CHD1L: variants seen among roughly 807,000 people sequenced by gnomAD.
CHD1L encodes ATP-dependent chromatin remodeler CHD1L.
CHD1L carries 118 observed loss-of-function variants against 115.9 expected under a neutral mutation model. The observed-to-expected ratio is 1.02, with a 90% CI of 0.88 to 1.19. The LOEUF (loss-of-function observed/expected upper bound fraction) is 1.19. Among genes scored for constraint, CHD1L ranks in the 50% most tolerant of loss-of-function variants. The pLI, the probability that CHD1L is intolerant of heterozygous loss-of-function variation, is 0.00. For synonymous variants in CHD1L, 411 were observed against 387.1 expected, an observed-to-expected ratio of 1.06 and a Z score of -0.72; for missense variants, 1,179 against 1,065.3, an observed-to-expected ratio of 1.11 and a Z score of -1.49.
intron 1 of CHD1L, among the ~76,000 whole-genome samples, chr1:147,251,722 G>T (rs1476226775): frequency 2.6e-5 from 4 of 151,768 alleles, no homozygotes; most frequent in African/African-American, 9.7e-5. Flanking sequence ...TTAGAGACAG[G>T]TTTTCACCAT....
Position 147,291,453 on chromosome 1 carries a change from T to C in CHD1L, c.2321-29T>C, listed in dbSNP as rs587629143. On this transcript the variant is annotated intron_variant, in intron 19 of 22. Coordinates refer to ENST00000369258, the MANE Select transcript of CHD1L (RefSeq NM_004284.6). ...CATTCATTAGTGAACTTGGTGTTCT[T>C]TATGTTGCTCCTTTCTGTTTTACCT... 1.9e-6 allele frequency: 3 copies of C among 1,581,184 alleles called. No homozygotes were observed. The Admixed American group carries it at 5.0e-5, about 26-fold the overall frequency.
At chr1:147,286,095 T>G (rs1460959198) in intron 17 of CHD1L, among the ~76,000 whole-genome samples, 1 of 152,122 alleles carries the variant, frequency 6.6e-6, no homozygotes, top group African/African-American at 2.4e-5. Flanking sequence ...ATTCAGGGAG[T>G]GCTCATTATT....
At chr1:147,252,543 C>A in intron 1 of CHD1L, 80 bp from the exon 2 acceptor site, 1 of 1,066,468 alleles carries the variant, frequency 9.4e-7, no homozygotes, top group Non-Finnish European at 1.4e-6. Context: ...GGCTGTGTTC[C>A]TCATTCAAAC....
chr1:147,224,286 A>T, the CHD1L span: 1 of 187,992 alleles, frequency 5.3e-6, no homozygotes, highest in African/African-American at 2.4e-5. Flanking sequence ...TGGGTCCTAA[A>T]TCTGTGGGTT....
At chr1:147,216,813 C>A in the CHD1L span, among the ~76,000 whole-genome samples, 1 of 152,224 alleles carries the variant, frequency 6.6e-6, no homozygotes, top group African/African-American at 2.4e-5. Flanking sequence ...TGAATCAGAA[C>A]CTGCATCTTA....
the CHD1L span, chr1:147,215,748 T>G: frequency 6.3e-7 from 1 of 1,585,120 alleles, no homozygotes; most frequent in Admixed American, 1.8e-5. Context: ...CCACACAATT[T>G]TCTACCTTAA....
At chr1:147,219,587 C>A in the CHD1L span, among the ~76,000 whole-genome samples, 1 of 151,952 alleles carries the variant, frequency 6.6e-6, no homozygotes, top group Non-Finnish European at 1.5e-5. Flanking sequence ...TAAGGATGTC[C>A]TCTCTCACCA....
the CHD1L span, among the ~76,000 whole-genome samples, chr1:147,193,982 C>T: frequency 4.6e-5 from 7 of 151,958 alleles, no homozygotes; most frequent in East Asian, 3.9e-4. Flanking sequence ...ATGTATATTC[C>T]GTTGATTTGG....
intron 3 of CHD1L, 34 bp from the exon 4 acceptor site, chr1:147,255,779 A>T (rs1170085980): frequency 6.8e-7 from 1 of 1,466,496 alleles, no homozygotes; most frequent in Admixed American, 1.8e-5. Flanking sequence ...TGGATCTAGT[A>T]TTTATGTTTA....
At chr1:147,195,468 C>A in the CHD1L span, among the ~76,000 whole-genome samples, 2 of 152,074 alleles carry the variant, frequency 1.3e-5, no homozygotes, top group African/African-American at 4.8e-5. Flanking sequence ...GCCTAAAGTC[C>A]TGTGGAAGAT....
intron 15 of CHD1L, among the ~76,000 whole-genome samples, chr1:147,283,066 C>T (rs1481518567): frequency 6.6e-6 from 1 of 152,138 alleles, no homozygotes; most frequent in Non-Finnish European, 1.5e-5. Flanking sequence ...AAATAAAAAA[C>T]AGGGTTGCTT....
At chr1:147,251,178 T>G (rs1025886205) in intron 1 of CHD1L, among the ~76,000 whole-genome samples, 12 of 152,194 alleles carry the variant, frequency 7.9e-5, no homozygotes, top group Non-Finnish European at 1.6e-4. Flanking sequence ...GTGTTCTTAT[T>G]TGTTTTGGTT....
intron 1 of CHD1L, among the ~76,000 whole-genome samples, chr1:147,243,793 C>G (rs1417534361): frequency 1.3e-5 from 2 of 152,190 alleles, no homozygotes; most frequent in Non-Finnish European, 2.9e-5. Flanking sequence ...GGGACCCTTC[C>G]TACCTAGAGT....
At position 147,294,480 on chromosome 1, in the gene CHD1L, C is replaced by G. The variant is rs139712616; in HGVS notation, c.2578C>G (p.Arg860Gly). The G allele has an allele frequency of 2.5e-5, 41 of 1,612,908 alleles. No homozygotes were observed. The highest frequency in any genetic ancestry group is 3.4e-5 in the Non-Finnish European group (40 of 1,179,526). Reference sequence around the variant, plus strand: ...CTGGTATGGTACTGAGCGACTTATTCGGAAACATCTGGCTGCAAGAGGCAT... The same window carrying G: ...CTGGTATGGTACTGAGCGACTTATTGGGAAACATCTGGCTGCAAGAGGCAT... ...FNWYGTERLI[R>G]KHLAARGIPT... is the part of the protein sequence containing the mutation. The change falls in exon 22 of 23, where the codon CGG becomes GGG. Residue 860 changes from arginine to glycine, a missense_variant. By Grantham distance (125) the Arg-to-Gly change is moderately radical. Coordinates refer to ENST00000369258, the MANE Select transcript of CHD1L (RefSeq NM_004284.6).
At position 147,271,018 on chromosome 1, in the gene CHD1L, G is replaced by T; in HGVS notation, c.1159+13G>T. ...ATGGATTACAGAGGTGACACCTTTT[G>T]GCCACTACATTACCTAAGGCTCTGT... On this transcript the variant is annotated intron_variant, in intron 11 of 22. Coordinates refer to ENST00000369258, the MANE Select transcript of CHD1L (RefSeq NM_004284.6). 1.2e-6 allele frequency: 2 copies of T among 1,607,772 alleles called. No homozygotes were observed. Among genetic ancestry groups the T allele is most frequent in the Non-Finnish European group, 1.7e-6 (2 of 1,174,338 alleles).
chr1:147,193,118 G>T, the CHD1L span, among the ~76,000 whole-genome samples: 1 of 152,058 alleles, frequency 6.6e-6, no homozygotes, highest in African/African-American at 2.4e-5. Flanking sequence ...GGTAGAATTC[G>T]GCTGTGAATC....
chr1:147,227,605 A>T, the CHD1L span, among the ~76,000 whole-genome samples: 1 of 152,238 alleles, frequency 6.6e-6, no homozygotes. Flanking sequence ...TCATTGAAAA[A>T]TAACTTGATA....
At chr1:147,177,672 G>A in the CHD1L span, among the ~76,000 whole-genome samples, 1 of 152,114 alleles carries the variant, frequency 6.6e-6, no homozygotes, top group Non-Finnish European at 1.5e-5. Context: ...GCCTAATCAT[G>A]AAGAAATATC....
At chr1:147,177,950 T>G in the CHD1L span, among the ~76,000 whole-genome samples, 1 of 152,140 alleles carries the variant, frequency 6.6e-6, no homozygotes, top group South Asian at 2.1e-4. Flanking sequence ...TAGAGGACAC[T>G]AAGGAGACTT....
Sources: gnomAD v4.1 joint callset for allele counts (sites outside exome capture counted in the v4.1 genomes callset) on GRCh38, gnomAD v4.1.1 for gene constraint, MANE v1.5 for transcripts, NCBI Gene and HGNC (gene_info 2026-07-23, HGNC 2026-07-21) for gene names.